The following SWAP70 variants were observed in gnomAD, a reference collection of about 807,000 sequenced individuals.
SWAP70 encodes the protein switching B cell complex subunit SWAP70, also known as switch-associated protein 70.
SWAP70 carries 34 observed loss-of-function variants against 80.2 expected under a neutral mutation model. The observed-to-expected ratio is 0.42, with a 90% CI of 0.32 to 0.56. The LOEUF (loss-of-function observed/expected upper bound fraction) is 0.56, where lower values mean the gene tolerates loss of function less well. SWAP70 is among the 20% of genes least tolerant of loss of function. The pLI, the probability that SWAP70 is intolerant of heterozygous loss-of-function variation, is 0.09. For synonymous variants in SWAP70, 239 were observed against 238.5 expected, an observed-to-expected ratio of 1.00 and a Z score of -0.02; for missense variants, 578 against 690.7, an observed-to-expected ratio of 0.84 and a Z score of 1.83.
At chr11:9,665,973 A>T (rs1356939707) in intron 1 of SWAP70, among the ~76,000 whole-genome samples, 1 of 147,716 alleles carries the variant, frequency 6.8e-6, no homozygotes, top group Non-Finnish European at 1.5e-5. Flanking sequence ...ATTTAATGTA[A>T]TTATTGATAT....
intron 6 of SWAP70, among the ~76,000 whole-genome samples, chr11:9,731,049 C>A (rs952009360): frequency 6.6e-6 from 1 of 152,168 alleles, no homozygotes; most frequent in Non-Finnish European, 1.5e-5. Flanking sequence ...TTCTGTTCTG[C>A]GTTAATTTGC....
intron 1 of SWAP70, among the ~76,000 whole-genome samples, chr11:9,669,689 T>G (rs1479296129): frequency 6.6e-6 from 1 of 152,164 alleles, no homozygotes; most frequent in Non-Finnish European, 1.5e-5. Flanking sequence ...TGTGTGTGTA[T>G]GAGAGAGAGT....
At chr11:9,693,428 G>A (rs1850718791) in intron 1 of SWAP70, among the ~76,000 whole-genome samples, 1 of 152,062 alleles carries the variant, frequency 6.6e-6, no homozygotes, top group Non-Finnish European at 1.5e-5. Context: ...TGGAATGCAG[G>A]TTTTCTGTAA....
chr11:9,748,211 G>C lies in SWAP70; in HGVS notation c.1554+155G>C, dbSNP rs183786540. Reference sequence around the variant, plus strand: ...AAGAGGGAGTTTTTACAGGAGATAAGATATATTATACATCCATCAGAGACA... The same window carrying C: ...AAGAGGGAGTTTTTACAGGAGATAACATATATTATACATCCATCAGAGACA... On this transcript the variant is annotated intron_variant, in intron 10 of 11. Transcript: ENST00000318950. Among the ~76,000 whole-genome samples, 61 of 152,322 alleles carry C rather than the reference G, an allele frequency of 4.0e-4. No individual in the cohort carries two copies. In the East Asian group the frequency reaches 8.9e-3, roughly 22 times the overall value.
At position 9,664,091 on chromosome 11, in the gene SWAP70, C is replaced by G; in HGVS notation, c.-89C>G. ...CCTGGCGGGTCAGGTGACTGCGCGG[C>G]GGGCTGTGGCTGCGGAGGTTGAGGG... is the stretch of plus-strand genomic sequence containing the variant. On this transcript the variant is annotated 5_prime_UTR_variant, in exon 1 of 12. Coordinates refer to ENST00000318950, the MANE Select transcript of SWAP70 (RefSeq NM_015055.4). The G allele has an allele frequency of 7.9e-7, 1 of 1,266,964 alleles. No individual in the cohort carries two copies. Among genetic ancestry groups the G allele is most frequent in the Non-Finnish European group, 1.1e-6 (1 of 948,732 alleles). 78.5% of individuals were successfully genotyped at this position (1,266,964 alleles called of 1,614,324 possible). A position where few individuals can be genotyped will look rare whatever the true frequency, so the allele number is the denominator to read the frequency against.
At chr11:9,679,513 A>T (rs946780832) in intron 1 of SWAP70, among the ~76,000 whole-genome samples, 1 of 152,200 alleles carries the variant, frequency 6.6e-6, no homozygotes, top group African/African-American at 2.4e-5. Flanking sequence ...AACTGACTCC[A>T]GTCTCAGTGA....
intron 9 of SWAP70, chr11:9,740,765 A>C (rs1363768838): frequency 4.9e-6 from 1 of 203,432 alleles, no homozygotes. Context: ...AGGAATAAGG[A>C]AGAAATATGC....
chr11:9,719,544 A>T (rs1274435872), intron 3 of SWAP70, among the ~76,000 whole-genome samples: 1 of 152,190 alleles, frequency 6.6e-6, no homozygotes, highest in Non-Finnish European at 1.5e-5. Context: ...TAAAAAAAAA[A>T]AAAGTTAATG....
intron 1 of SWAP70, among the ~76,000 whole-genome samples, chr11:9,674,917 G>A (rs987944986): frequency 1.1e-4 from 17 of 151,634 alleles, no homozygotes; most frequent in Admixed American, 2.0e-4. Context: ...TGCAGTGAGC[G>A]GAGATTATGC....
chr11:9,666,766 C>G (rs1850312208), intron 1 of SWAP70, among the ~76,000 whole-genome samples: 1 of 150,748 alleles, frequency 6.6e-6, no homozygotes, highest in Admixed American at 6.6e-5. Flanking sequence ...GCTCTGTCAC[C>G]CAGGCTAGAG....
chr11:9,742,586 C>G (rs780802880), intron 9 of SWAP70, among the ~76,000 whole-genome samples: 1 of 152,180 alleles, frequency 6.6e-6, no homozygotes, highest in South Asian at 2.1e-4. Flanking sequence ...CCGCCTGTCT[C>G]GGTCTCCCAA....
At chr11:9,669,823 G>C (rs1850352773) in intron 1 of SWAP70, among the ~76,000 whole-genome samples, 1 of 152,100 alleles carries the variant, frequency 6.6e-6, no homozygotes, top group African/African-American at 2.4e-5. Context: ...GTTGTGATCA[G>C]AATTGCACTT....
chr11:9,670,272 G>A (rs1181076507), intron 1 of SWAP70, among the ~76,000 whole-genome samples: 2 of 152,100 alleles, frequency 1.3e-5, no homozygotes, highest in Non-Finnish European at 2.9e-5. Flanking sequence ...GGACGGGAAA[G>A]GACAGATTCA....
chr11:9,706,991 A>T (rs1464885886), intron 2 of SWAP70, among the ~76,000 whole-genome samples: 2 of 150,808 alleles, frequency 1.3e-5, no homozygotes, highest in African/African-American at 4.9e-5. Context: ...CTTTATTCTT[A>T]TTCTTAGAAC....
Position 9,749,168 on chromosome 11 carries a change from C to T in SWAP70, c.1636C>T (p.Arg546Ter). The stretch of plus-strand genomic sequence containing the variant: ...AGTGGCCCATCATGAAGGATTAATT[C>T]GACTGATAGAACCAGGTAACAGACT... ...DKVAHHEGLIRLIEPGSKNPH... is the reference protein window; with the variant it reads ...DKVAHHEGLI Residue 546 changes from arginine (R) to a stop codon, truncating the protein, a stop_gained, in exon 11 of 12, where the codon CGA becomes TGA. Coordinates refer to ENST00000318950, the MANE Select transcript of SWAP70 (RefSeq NM_015055.4). LOFTEE classifies it high-confidence loss of function. 3 of 1,607,946 alleles carry T rather than the reference C, an allele frequency of 1.9e-6. No individual in the cohort carries two copies. Among genetic ancestry groups the T allele is most frequent in the South Asian group, 1.1e-5 (1 of 90,630 alleles).
intron 1 of SWAP70, among the ~76,000 whole-genome samples, chr11:9,693,080 G>A (rs1850714909): frequency 1.3e-5 from 2 of 152,068 alleles, no homozygotes; most frequent in Non-Finnish European, 2.9e-5. Flanking sequence ...GCAGAAAAAG[G>A]GACTCGCTTA....
intron 1 of SWAP70, among the ~76,000 whole-genome samples, chr11:9,675,571 A>G (rs1175323701): frequency 3.3e-5 from 5 of 151,712 alleles, no homozygotes; most frequent in Non-Finnish European, 5.9e-5. Flanking sequence ...TATTTTATAT[A>G]TATTATATAT....
In SWAP70 at chr11:9,701,691, C is replaced by CTTTTTT. The variant is rs1163108695; in HGVS notation, c.240+7424_240+7429dup. On this transcript the variant is annotated intron_variant, in intron 2 of 11. Transcript: ENST00000318950. The stretch of plus-strand genomic sequence containing the variant: ...GTCTAGGAAGAAACTTTTGTGGGCT[C>CTTTTTT]TTTTTTTTTTTTTTTTTTTTTTTTG... Among the ~76,000 whole-genome samples, 119 of 68,520 alleles carry CTTTTTT rather than the reference C, an allele frequency of 1.7e-3. 5 individuals are homozygous for CTTTTTT. The highest frequency in any genetic ancestry group is 2.7e-3 in the Non-Finnish European group (97 of 35,896). The allele number at this position is 68,520 out of a possible 152,430, so 45.0% of individuals were successfully genotyped here. A position where few individuals can be genotyped will look rare whatever the true frequency, so the allele number is the denominator to read the frequency against.
chr11:9,713,317 T>C (rs1368764095), intron 2 of SWAP70, 149 bp from the exon 3 acceptor site: 8 of 757,396 alleles, frequency 1.1e-5, no homozygotes, highest in Non-Finnish European at 1.6e-5. Context: ...GAAAGTGTAA[T>C]ACCTAAAGCA....
Sources: allele counts gnomAD v4.1 joint callset (sites outside exome capture counted in the v4.1 genomes callset), GRCh38; gene constraint gnomAD v4.1.1; transcripts MANE v1.5; gene names NCBI Gene and HGNC (gene_info 2026-07-23, HGNC 2026-07-21).